The following NPAS3 variants were observed in gnomAD, a reference collection of about 807,000 sequenced individuals.
NPAS3 encodes the protein neuronal PAS domain protein 3, also known as neuronal PAS domain-containing protein 3.
NPAS3 carries 14 observed loss-of-function variants against 73.1 expected under a neutral mutation model. The ratio of observed to expected loss-of-function variants is 0.19; its 90% confidence interval spans 0.13 to 0.30. The LOEUF (loss-of-function observed/expected upper bound fraction) is 0.30, where lower values mean the gene tolerates loss of function less well. Ranked by LOEUF, NPAS3 falls within the 10% of genes least tolerant of loss-of-function variation. The pLI is 1.00. For synonymous variants in NPAS3, 620 were observed against 541.5 expected (o/e 1.14, Z -2.01); for missense variants, 1,096 against 1,250.0 (o/e 0.88, Z 1.86).
intron 2 of NPAS3, among the ~76,000 whole-genome samples, chr14:33,195,143 C>T (rs1292312179): frequency 6.6e-6 from 1 of 151,418 alleles, no homozygotes; most frequent in Non-Finnish European, 1.5e-5. Context: ...AGGAATGTTC[C>T]AAGGCATTAT....
At chr14:33,442,211 T>G (rs2049281862) in intron 4 of NPAS3, among the ~76,000 whole-genome samples, 1 of 152,152 alleles carries the variant, frequency 6.6e-6, no homozygotes, top group South Asian at 2.1e-4. Flanking sequence ...ATACTAGCTA[T>G]TTAGCAGCCA....
chr14:33,686,123 T>A (rs1052656639), intron 6 of NPAS3, among the ~76,000 whole-genome samples: 1 of 152,080 alleles, frequency 6.6e-6, no homozygotes, highest in Non-Finnish European at 1.5e-5. Context: ...CTGGCCTTGA[T>A]GAGGAGGGAT....
At chr14:33,012,563 T>G (rs1398291141) in intron 1 of NPAS3, among the ~76,000 whole-genome samples, 1 of 152,076 alleles carries the variant, frequency 6.6e-6, no homozygotes, top group Non-Finnish European at 1.5e-5. Context: ...TTTTTTTTTT[T>G]TTTTAGATGG....
intron 2 of NPAS3, among the ~76,000 whole-genome samples, chr14:33,197,707 A>T (rs1594367268): frequency 6.6e-6 from 1 of 152,326 alleles, no homozygotes; most frequent in South Asian, 2.1e-4. Context: ...TAGTTGCCTT[A>T]TTCAGTCATT....
chr14:33,142,519 C>T (rs2044091651), intron 2 of NPAS3, among the ~76,000 whole-genome samples: 1 of 151,948 alleles, frequency 6.6e-6, no homozygotes, highest in South Asian at 2.1e-4. Context: ...AATCATACTG[C>T]TTTAATTGCC....
chr14:33,729,842 G>C (rs2061358662), intron 6 of NPAS3, among the ~76,000 whole-genome samples: 1 of 152,136 alleles, frequency 6.6e-6, no homozygotes. Flanking sequence ...TTAGAAGGAG[G>C]AGTTTTGAAG....
intron 5 of NPAS3, among the ~76,000 whole-genome samples, chr14:33,565,732 G>A (rs1346471914): frequency 6.6e-6 from 1 of 152,122 alleles, no homozygotes; most frequent in Non-Finnish European, 1.5e-5. Context: ...TTTCAACACA[G>A]CAGAGGGATT....
chr14:33,524,662 A>G (rs1429674681), intron 4 of NPAS3, among the ~76,000 whole-genome samples: 3 of 152,170 alleles, frequency 2.0e-5, no homozygotes, highest in Non-Finnish European at 4.4e-5. Flanking sequence ...GGCTTACACA[A>G]CAGAAATGTG....
At chr14:33,772,133 C>A (rs1295487128) in intron 7 of NPAS3, among the ~76,000 whole-genome samples, 2 of 152,122 alleles carry the variant, frequency 1.3e-5, no homozygotes, top group Admixed American at 6.5e-5. Context: ...TGGTCCTTGT[C>A]CTTACTGGTC....
chr14:33,798,183 G>C (rs944371867), intron 11 of NPAS3, among the ~76,000 whole-genome samples: 2 of 152,104 alleles, frequency 1.3e-5, no homozygotes, highest in African/African-American at 4.8e-5. Context: ...CCTCTTTCAG[G>C]GTGCTGGACT....
rs1473094516 is a variant in NPAS3 at position 33,733,465 on chromosome 14, AT to A, written c.734-1748del. ...CTAAAGCATTTACGTTTAAGTTTTG[AT>A]CTCTCTGCTTTTGATTAAAACTAAT... is the stretch of plus-strand genomic sequence containing the variant. On this transcript the variant is annotated intron_variant, in intron 6 of 11. Transcript: ENST00000356141. Among the ~76,000 whole-genome samples, 3 of 152,130 alleles carry A rather than the reference AT, an allele frequency of 2.0e-5. 1 individual carries two copies.
At chr14:33,557,201 G>T (rs1368623174) in intron 4 of NPAS3, among the ~76,000 whole-genome samples, 2 of 152,130 alleles carry the variant, frequency 1.3e-5, no homozygotes, top group South Asian at 2.1e-4. Context: ...CGCTTGAAAG[G>T]CTCTATCAGA....
intron 1 of NPAS3, among the ~76,000 whole-genome samples, chr14:33,046,658 A>C (rs898035830): frequency 1.1e-4 from 17 of 152,196 alleles, no homozygotes; most frequent in Admixed American, 3.9e-4. Flanking sequence ...CTGATCTCCA[A>C]GGTACTTCCA....
intron 2 of NPAS3, among the ~76,000 whole-genome samples, chr14:33,057,836 A>C (rs747696008): frequency 9.9e-5 from 15 of 152,212 alleles, no homozygotes; most frequent in African/African-American, 1.4e-4. Context: ...TGTCACTGAG[A>C]TGATTAATGG....
chr14:33,268,354 T>C (rs923599101), intron 3 of NPAS3, among the ~76,000 whole-genome samples: 2 of 152,184 alleles, frequency 1.3e-5, no homozygotes, highest in East Asian at 1.9e-4. Context: ...TATCTCTCCA[T>C]AGAAGATTTT....
chr14:33,520,991 T>C (rs2281629), intron 4 of NPAS3, among the ~76,000 whole-genome samples: 95,341 of 152,068 alleles, frequency 0.63, 29,965 homozygotes, highest in South Asian at 0.74. Context: ...TTAGAGGTCA[T>C]TGTTGTATCT....
chr14:33,055,377 T>G (rs1190555892), intron 1 of NPAS3, among the ~76,000 whole-genome samples: 1 of 152,220 alleles, frequency 6.6e-6, no homozygotes, highest in Admixed American at 6.5e-5. Context: ...TTTTCATCCC[T>G]AATTGGGTTT....
intron 6 of NPAS3, among the ~76,000 whole-genome samples, chr14:33,711,261 T>C (rs2060810522): frequency 6.6e-6 from 1 of 152,234 alleles, no homozygotes; most frequent in Non-Finnish European, 1.5e-5. Context: ...AAAAATCTAT[T>C]TTGAATTCAG....
chr14:33,468,814 T>C (rs2050649075), intron 4 of NPAS3, among the ~76,000 whole-genome samples: 2 of 152,170 alleles, frequency 1.3e-5, no homozygotes, highest in Admixed American at 1.3e-4. Flanking sequence ...ACAGCAGGAA[T>C]TGGAGTAAAA....
Sources: gnomAD v4.1 joint callset for allele counts (sites outside exome capture counted in the v4.1 genomes callset) on GRCh38, gnomAD v4.1.1 for gene constraint, MANE v1.5 for transcripts, NCBI Gene and HGNC (gene_info 2026-07-23, HGNC 2026-07-21) for gene names.